Variants in DLGAP1 observed in about 807,000 individuals in gnomAD.
The protein encoded by DLGAP1 is disks large-associated protein 1.
In DLGAP1, 11 loss-of-function variants were observed where a neutral mutation model predicts 90.8. The observed-to-expected ratio is 0.12, with a 90% CI of 0.08 to 0.20. DLGAP1 has a LOEUF of 0.20. DLGAP1 is among the 10% of genes least tolerant of loss of function. The pLI, the probability that DLGAP1 is intolerant of heterozygous loss-of-function variation, is 1.00. For synonymous variants in DLGAP1, 558 were observed against 540.7 expected (o/e 1.03, Z -0.44); for missense variants, 1,050 against 1,333.8 (o/e 0.79, Z 3.31).
intron 1 of DLGAP1, among the ~76,000 whole-genome samples, chr18:4,337,133 A>G (rs2081086602): frequency 6.6e-6 from 1 of 151,272 alleles, no homozygotes. Flanking sequence ...AAAAAAGAAA[A>G]AAAAAAAAAG....
chr18:4,393,920 T>C (rs7244241), intron 1 of DLGAP1, among the ~76,000 whole-genome samples: 14,272 of 152,026 alleles, frequency 0.094, 953 homozygotes, highest in African/African-American at 0.19. Context: ...GCTGCTGATC[T>C]AACAGGAGGC....
At chr18:3,611,889 T>C (rs988467987) in intron 7 of DLGAP1, among the ~76,000 whole-genome samples, 1 of 152,192 alleles carries the variant, frequency 6.6e-6, no homozygotes, top group Non-Finnish European at 1.5e-5. Flanking sequence ...TTCAAGTACT[T>C]GAGAATTTAA....
intron 1 of DLGAP1, among the ~76,000 whole-genome samples, chr18:4,182,774 C>T (rs1469827311): frequency 1.3e-5 from 2 of 152,114 alleles, no homozygotes; most frequent in Admixed American, 6.6e-5. Context: ...ACACTAGCAC[C>T]TACAAAGGAT....
intron 7 of DLGAP1, among the ~76,000 whole-genome samples, chr18:3,601,801 C>G (rs944416811): frequency 3.4e-5 from 5 of 147,602 alleles, no homozygotes; most frequent in East Asian, 2.0e-4. Flanking sequence ...GCCCAGATCA[C>G]GCCACTGCAC....
chr18:4,127,778 T>A (rs532627513), intron 2 of DLGAP1, among the ~76,000 whole-genome samples: 8 of 152,176 alleles, frequency 5.3e-5, no homozygotes, highest in Non-Finnish European at 7.4e-5. Context: ...AATTTAAAAA[T>A]ATTTGTCCCA....
chr18:3,888,126 AAAAAAAAAG>A (rs2071369229), intron 3 of DLGAP1, among the ~76,000 whole-genome samples: 1 of 150,546 alleles, frequency 6.6e-6, no homozygotes, highest in African/African-American at 2.5e-5. Flanking sequence ...AAAAAAAAAA[AAAAAAAAAG>A]AAGTAAACAG....
chr18:4,322,394 G>A (rs1257994876), intron 1 of DLGAP1, among the ~76,000 whole-genome samples: 1 of 152,108 alleles, frequency 6.6e-6, no homozygotes, highest in East Asian at 1.9e-4. Context: ...AATGAAAAAA[G>A]GTCAGTCTTT....
At position 4,422,614 on chromosome 18, in the gene DLGAP1, TAAAG is replaced by T. The variant is rs1367493836; in HGVS notation, c.-267+32388_-267+32391del. On this transcript the variant is annotated intron_variant, in intron 1 of 12. Coordinates refer to ENST00000315677, the MANE Select transcript of DLGAP1 (RefSeq NM_004746.4). ...AATTTAGATATGAATTGTCTTCTGA[TAAAG>T]AAAAAACTATATAGAAATATATAAA... 2.0e-5 allele frequency among the ~76,000 whole-genome samples: 3 copies of T among 151,936 alleles called. No individual in the cohort carries two copies. In the East Asian group the frequency reaches 5.8e-4, roughly 29 times the overall value.
rs373778014 is a variant in DLGAP1 at position 4,188,629 on chromosome 18, C to T, written c.-266-37342G>A. Among the ~76,000 whole-genome samples the T allele has an allele frequency of 6.6e-5, 10 of 152,174 alleles. 1 individual carries two copies. Among genetic ancestry groups the T allele is most frequent in the African/African-American group, 2.2e-4 (9 of 41,510 alleles). On this transcript the variant is annotated intron_variant, in intron 1 of 12. Coordinates refer to ENST00000315677, the MANE Select transcript of DLGAP1 (RefSeq NM_004746.4). ...TGGTTTCCAGCTTCATCCATGTCCC[C>T]GCAAAGGACACGAACTCATTCTTTC...
At chr18:3,619,586 C>G (rs2058019032) in intron 7 of DLGAP1, among the ~76,000 whole-genome samples, 1 of 152,160 alleles carries the variant, frequency 6.6e-6, no homozygotes, top group Non-Finnish European at 1.5e-5. Flanking sequence ...CCGCCCTAGT[C>G]CTTCCTTCTC....
chr18:3,798,961 C>A (rs1267330532), intron 5 of DLGAP1, among the ~76,000 whole-genome samples: 2 of 151,982 alleles, frequency 1.3e-5, no homozygotes, highest in Non-Finnish European at 2.9e-5. Flanking sequence ...GCAAACTCCA[C>A]CTCCCAGGTT....
chr18:4,277,122 T>C (rs560630098), intron 1 of DLGAP1, among the ~76,000 whole-genome samples: 19 of 152,330 alleles, frequency 1.2e-4, no homozygotes, highest in African/African-American at 4.6e-4. Context: ...GCTAGTATAA[T>C]GGCATTTGAT....
At chr18:3,990,744 C>T (rs1177780557) in intron 3 of DLGAP1, among the ~76,000 whole-genome samples, 3 of 151,424 alleles carry the variant, frequency 2.0e-5, no homozygotes, top group Non-Finnish European at 4.4e-5. Flanking sequence ...TTAAATACTC[C>T]TCCTTTCTCA....
At chr18:4,223,733 T>G (rs553579290) in intron 1 of DLGAP1, among the ~76,000 whole-genome samples, 10 of 152,312 alleles carry the variant, frequency 6.6e-5, no homozygotes, top group African/African-American at 2.2e-4. Context: ...CTTGAAAGTG[T>G]ATTAGTGGTG....
At chr18:4,119,992 C>G (rs1325421596) in intron 2 of DLGAP1, among the ~76,000 whole-genome samples, 32 of 152,096 alleles carry the variant, frequency 2.1e-4, no homozygotes, top group Admixed American at 2.1e-3. Flanking sequence ...GAGAAACAAC[C>G]TTTTAACAGC....
intron 3 of DLGAP1, among the ~76,000 whole-genome samples, chr18:3,971,628 T>C (rs1442380): frequency 1 from 152,322 of 152,328 alleles, 76,158 homozygotes; most frequent in Non-Finnish European, 1. Flanking sequence ...AAGACTTAAC[T>C]TTTAAGACTC....
chr18:4,154,806 T>C (rs566860236), intron 1 of DLGAP1, among the ~76,000 whole-genome samples: 2 of 152,286 alleles, frequency 1.3e-5, no homozygotes, highest in South Asian at 2.1e-4. Flanking sequence ...ACTCATTCAT[T>C]CTCTCATTCA....
intron 5 of DLGAP1, among the ~76,000 whole-genome samples, chr18:3,772,124 C>T (rs1036149214): frequency 6.6e-6 from 1 of 150,854 alleles, no homozygotes; most frequent in African/African-American, 2.5e-5. Flanking sequence ...TCCTTTCTTT[C>T]TTTTCTTTTC....
At chr18:4,341,846 A>G (rs2081195598) in intron 1 of DLGAP1, among the ~76,000 whole-genome samples, 1 of 152,132 alleles carries the variant, frequency 6.6e-6, no homozygotes, top group South Asian at 2.1e-4. Flanking sequence ...AAGAATAGTG[A>G]AGTGAAAAGC....
Sources: gnomAD v4.1 joint callset for allele counts (sites outside exome capture counted in the v4.1 genomes callset) on GRCh38, gnomAD v4.1.1 for gene constraint, MANE v1.5 for transcripts, NCBI Gene and HGNC (gene_info 2026-07-23, HGNC 2026-07-21) for gene names.